PRCP: variants seen among roughly 807,000 people sequenced by gnomAD.
PRCP encodes the protein lysosomal Pro-X carboxypeptidase.
PRCP carries 46 observed loss-of-function variants against 54.2 expected under a neutral mutation model. The observed-to-expected ratio is 0.85, with a 90% CI of 0.67 to 1.09. The LOEUF is 1.09. Ranked by LOEUF, PRCP falls within the 50% of genes least tolerant of loss-of-function variation. The probability of loss-of-function intolerance (pLI) is 0.00; values close to 1 mark genes in which losing one functional copy is unlikely to be tolerated. For synonymous variants in PRCP, 240 were observed against 212.2 expected, an observed-to-expected ratio of 1.13 and a Z score of -1.14; for missense variants, 613 against 596.8, an observed-to-expected ratio of 1.03 and a Z score of -0.28.
rs576518535 is a variant in PRCP at position 82,874,724 on chromosome 11, C to T, written c.169-14607G>A. Among the ~76,000 whole-genome samples, 72 of 145,820 alleles carry T rather than the reference C, an allele frequency of 4.9e-4. No individual in the cohort carries two copies. The South Asian group carries it at 0.015, about 31-fold the overall frequency. On this transcript the variant is annotated intron_variant, in intron 1 of 8. Transcript: ENST00000313010. ...AAAAAAAAAAAGAAAAAAAAGAAAA[C>T]TAGTTGTACAGGTTTTATTCTGATA...
chr11:82,874,348 A>G (rs1264404168), intron 1 of PRCP, among the ~76,000 whole-genome samples: 1 of 152,166 alleles, frequency 6.6e-6, no homozygotes, highest in Non-Finnish European at 1.5e-5. Context: ...AGACAACAGG[A>G]AACAAAAAAC....
chr11:82,874,026 A>T (rs955269675), intron 1 of PRCP, among the ~76,000 whole-genome samples: 3 of 152,236 alleles, frequency 2.0e-5, no homozygotes, highest in African/African-American at 7.2e-5. Context: ...CAGACTATTC[A>T]TTGTTTTGCA....
At chr11:82,830,100 T>C (rs959294467) in intron 8 of PRCP, 8 of 152,142 alleles carry the variant, frequency 5.3e-5, no homozygotes, top group Non-Finnish European at 1.0e-4. Context: ...GATAGTACCC[T>C]TCTCTCAGAG....
intron 8 of PRCP, chr11:82,830,131 C>G (rs1335631115): frequency 6.6e-6 from 1 of 151,812 alleles, no homozygotes; most frequent in Admixed American, 6.6e-5. Context: ...AGACCCAAGT[C>G]AAATAATATA....
At chr11:82,854,688 A>T (rs1859039126) in intron 2 of PRCP, among the ~76,000 whole-genome samples, 3 of 152,124 alleles carry the variant, frequency 2.0e-5, no homozygotes, top group Non-Finnish European at 4.4e-5. Flanking sequence ...AACAACAAAC[A>T]AACAAACAAA....
chr11:82,884,040 G>C (rs1453188498), intron 1 of PRCP, among the ~76,000 whole-genome samples: 4 of 152,172 alleles, frequency 2.6e-5, no homozygotes, highest in Non-Finnish European at 5.9e-5. Flanking sequence ...GGAAGAGGCA[G>C]AGATTTCCGA....
intron 1 of PRCP, among the ~76,000 whole-genome samples, chr11:82,872,231 C>G (rs1047359774): frequency 6.6e-6 from 1 of 152,100 alleles, no homozygotes; most frequent in African/African-American, 2.4e-5. Flanking sequence ...AAACGTATCC[C>G]CCGCGAAGAA....
At chr11:82,831,857 C>G (rs573919250) in intron 8 of PRCP, among the ~76,000 whole-genome samples, 1 of 152,238 alleles carries the variant, frequency 6.6e-6, no homozygotes, top group East Asian at 1.9e-4. Flanking sequence ...TCTCCTAATG[C>G]TATCCCTCCC....
intron 2 of PRCP, among the ~76,000 whole-genome samples, chr11:82,856,315 C>T (rs1233214199): frequency 6.6e-6 from 1 of 152,172 alleles, no homozygotes; most frequent in Non-Finnish European, 1.5e-5. Flanking sequence ...GGTCTATATA[C>T]ACCATAGAAT....
At chr11:82,858,460 A>G (rs1859139834) in intron 2 of PRCP, 2 of 152,258 alleles carry the variant, frequency 1.3e-5, no homozygotes. Flanking sequence ...ATGGGCCAGG[A>G]TCTGCTCTTC....
At chr11:82,866,894 G>A (rs1486542069) in intron 1 of PRCP, among the ~76,000 whole-genome samples, 1 of 151,858 alleles carries the variant, frequency 6.6e-6, no homozygotes, top group Non-Finnish European at 1.5e-5. Context: ...GATAATTTTT[G>A]TATTTTTAGT....
chr11:82,884,574 T>C (rs1859824334), intron 1 of PRCP, among the ~76,000 whole-genome samples: 1 of 152,194 alleles, frequency 6.6e-6, no homozygotes. Context: ...AATCCAGTTG[T>C]GTCAAGTCTT....
At chr11:82,888,562 C>T (rs1859921705) in intron 1 of PRCP, among the ~76,000 whole-genome samples, 1 of 152,188 alleles carries the variant, frequency 6.6e-6, no homozygotes, top group Non-Finnish European at 1.5e-5. Context: ...TCCCAGCCCT[C>T]GCCCATACAC....
intron 2 of PRCP, among the ~76,000 whole-genome samples, chr11:82,855,213 G>A (rs1162238612): frequency 6.6e-6 from 1 of 152,178 alleles, no homozygotes; most frequent in African/African-American, 2.4e-5. Flanking sequence ...CTTCTGCACA[G>A]CAAAAGAAAC....
At chr11:82,865,635 T>C (rs1859313992) in intron 1 of PRCP, among the ~76,000 whole-genome samples, 1 of 152,142 alleles carries the variant, frequency 6.6e-6, no homozygotes, top group Non-Finnish European at 1.5e-5. Flanking sequence ...ACCAAAAAAA[T>C]TAACTTACGC....
chr11:82,832,204 A>T (rs1858404031), intron 8 of PRCP, among the ~76,000 whole-genome samples: 1 of 152,124 alleles, frequency 6.6e-6, no homozygotes, highest in Non-Finnish European at 1.5e-5. Context: ...TTTTAGAATG[A>T]TTTTTAATCC....
intron 2 of PRCP, among the ~76,000 whole-genome samples, chr11:82,857,937 G>T (rs551291425): frequency 6.6e-6 from 1 of 152,216 alleles, no homozygotes; most frequent in East Asian, 1.9e-4. Flanking sequence ...GCTAGGTATA[G>T]GTCCCTGGTA....
At chr11:82,872,375 T>C (rs1196214178) in intron 1 of PRCP, among the ~76,000 whole-genome samples, 8 of 152,100 alleles carry the variant, frequency 5.3e-5, no homozygotes, top group Non-Finnish European at 8.8e-5. Context: ...TATTTAGAAA[T>C]AGGATCATTG....
chr11:82,838,350 A>C, intron 8 of PRCP, 37 bp downstream of exon 8: 1 of 1,557,240 alleles, frequency 6.4e-7, no homozygotes, highest in South Asian at 1.2e-5. Context: ...CAAATGTTCC[A>C]CCAACTGAAG....
Sources: allele counts gnomAD v4.1 joint callset (sites outside exome capture counted in the v4.1 genomes callset), GRCh38; gene constraint gnomAD v4.1.1; transcripts MANE v1.5; gene names NCBI Gene and HGNC (gene_info 2026-07-23, HGNC 2026-07-21).